The following HMGA2 variants were observed in gnomAD, a reference collection of about 807,000 sequenced individuals.
The protein encoded by HMGA2 is high mobility group protein HMGI-C.
Under a neutral mutation model 19.1 loss-of-function variants are expected in HMGA2, and 8 were observed. That is an observed-to-expected ratio of 0.42 (90% confidence interval 0.25 to 0.76). HMGA2 has a LOEUF of 0.76. HMGA2 is among the 30% of genes least tolerant of loss of function. HMGA2 has a pLI of 0.28. For missense variants in HMGA2, 109 were observed against 136.3 expected (o/e 0.80, Z 1.00); for synonymous variants, 60 against 48.8 (o/e 1.23, Z -0.96).
chr12:65,897,913 G>A lies in HMGA2; in HGVS notation c.250-53470G>A, dbSNP rs190547192. Among the ~76,000 whole-genome samples, 240 of 150,884 alleles carry A rather than the reference G, an allele frequency of 1.6e-3. 2 individuals carry two copies. Among genetic ancestry groups the A allele is most frequent in the African/African-American group, 5.5e-3 (226 of 40,932 alleles). Reference sequence around the variant, plus strand: ...CGGGATGTGGAGGTTGCGGTGAGCTGAGATCGCGCCATTGCACTCCAGCCT... The same window carrying A: ...CGGGATGTGGAGGTTGCGGTGAGCTAAGATCGCGCCATTGCACTCCAGCCT... On this transcript the variant is annotated intron_variant, in intron 3 of 4. Transcript: ENST00000403681.
At chr12:65,913,999 T>G (rs1001495541) in intron 3 of HMGA2, among the ~76,000 whole-genome samples, 6 of 152,156 alleles carry the variant, frequency 3.9e-5, no homozygotes, top group Non-Finnish European at 7.4e-5. Context: ...TAAAAAATGT[T>G]TTGGAGAGGA....
chr12:65,828,842 T>A (rs900636612), intron 2 of HMGA2: 7 of 152,316 alleles, frequency 4.6e-5, no homozygotes, highest in African/African-American at 1.7e-4. Context: ...TCTTAATAAG[T>A]TTAAACTTGC....
At chr12:65,828,380 G>T in intron 2 of HMGA2, 1 of 232,544 alleles carries the variant, frequency 4.3e-6, no homozygotes, top group South Asian at 6.6e-5. Context: ...TGCGGGGGGG[G>T]CGGGATGAAA....
In HMGA2 at chr12:65,861,364, T is replaced by TCAAAA. The variant is rs149375057; in HGVS notation, c.249+22821_249+22825dup. Among the ~76,000 whole-genome samples, 1,206 of 152,072 alleles carry TCAAAA rather than the reference T, an allele frequency of 7.9e-3. 7 individuals are homozygous for TCAAAA. Among genetic ancestry groups the TCAAAA allele is most frequent in the Non-Finnish European group, 0.011 (770 of 67,958 alleles). On this transcript the variant is annotated intron_variant, in intron 3 of 4. Coordinates refer to ENST00000403681, the MANE Select transcript of HMGA2 (RefSeq NM_003483.6). The stretch of plus-strand genomic sequence containing the variant: ...CCTGGCGACAGAGCAAGACTCCGTC[T>TCAAAA]CAAAACAAAACAAAACAAAACAAAA...
In HMGA2 at chr12:65,928,802, C is replaced by CT. The variant is rs1875606582; in HGVS notation, c.250-22580dup. Reference sequence around the variant, plus strand: ...AATTTTTCAACTCCATTATAATCTTCTGGGACCACCACCATATATGCAGTT... The same window carrying CT: ...AATTTTTCAACTCCATTATAATCTTCTTGGGACCACCACCATATATGCAGTT... On this transcript the variant is annotated intron_variant, in intron 3 of 4. Coordinates refer to ENST00000403681, the MANE Select transcript of HMGA2 (RefSeq NM_003483.6). 2.0e-5 allele frequency among the ~76,000 whole-genome samples: 3 copies of CT among 152,174 alleles called. No homozygotes were observed. The South Asian group carries it at 6.2e-4, about 32-fold the overall frequency.
At chr12:65,841,368 C>T (rs562537010) in intron 3 of HMGA2, among the ~76,000 whole-genome samples, 5 of 152,106 alleles carry the variant, frequency 3.3e-5, no homozygotes, top group African/African-American at 1.2e-4. Flanking sequence ...GTTACAAGTC[C>T]CTGATTTGGT....
intron 3 of HMGA2, chr12:65,867,649 G>C (rs1872497939): frequency 3.2e-6 from 1 of 312,532 alleles, no homozygotes; most frequent in Non-Finnish European, 6.8e-6. Context: ...GAGTCTTGTG[G>C]GGACACAGAG....
At chr12:65,929,750 T>C (rs1875639794) in intron 3 of HMGA2, among the ~76,000 whole-genome samples, 1 of 152,194 alleles carries the variant, frequency 6.6e-6, no homozygotes, top group Admixed American at 6.5e-5. Flanking sequence ...TACTCAATTT[T>C]AAACTAAATT....
chr12:65,899,867 C>T (rs2121171187), intron 3 of HMGA2, among the ~76,000 whole-genome samples: 1 of 152,296 alleles, frequency 6.6e-6, no homozygotes, highest in South Asian at 2.1e-4. Context: ...TACCTGCTGG[C>T]ACTTTTGCTA....
chr12:65,933,006 C>T (rs1294711890), intron 3 of HMGA2, among the ~76,000 whole-genome samples: 1 of 152,098 alleles, frequency 6.6e-6, no homozygotes, highest in Admixed American at 6.5e-5. Context: ...TTTTTCTTTC[C>T]CACACCTCTG....
Position 65,966,058 on chromosome 12 carries a change from T to C in HMGA2, c.*2766T>C, listed in dbSNP as rs1876900559. ...AAGTATCAAGACGTTTAACTGCAGT[T>C]GACTTTCTCCCTGTTCCTTTGAGTG... On this transcript the variant is annotated 3_prime_UTR_variant, in exon 5 of 5. Coordinates refer to ENST00000403681, the MANE Select transcript of HMGA2 (RefSeq NM_003483.6). The C allele has an allele frequency of 4.5e-6, 1 of 220,104 alleles. No homozygotes were observed. The highest frequency in any genetic ancestry group is 2.2e-5 in the African/African-American group (1 of 44,638). 13.6% of individuals were successfully genotyped at this position (220,104 alleles called of 1,614,324 possible).
chr12:65,847,385 C>T (rs1287562323), intron 3 of HMGA2, among the ~76,000 whole-genome samples: 1 of 152,110 alleles, frequency 6.6e-6, no homozygotes, highest in East Asian at 1.9e-4. Flanking sequence ...TTTGTGCATA[C>T]TCAATATAAT....
At chr12:65,878,799 G>A (rs1873196487) in intron 3 of HMGA2, among the ~76,000 whole-genome samples, 1 of 152,194 alleles carries the variant, frequency 6.6e-6, no homozygotes, top group Non-Finnish European at 1.5e-5. Context: ...TGGCTCAGCT[G>A]ATAAACTCCC....
chr12:65,891,670 GC>G (rs752876512), intron 3 of HMGA2, among the ~76,000 whole-genome samples: 1 of 152,232 alleles, frequency 6.6e-6, no homozygotes, highest in Non-Finnish European at 1.5e-5. Flanking sequence ...AGTTTGAGCT[GC>G]AGAATCAGAA....
intron 3 of HMGA2, among the ~76,000 whole-genome samples, chr12:65,898,973 G>A (rs1446760071): frequency 6.6e-6 from 1 of 150,554 alleles, no homozygotes; most frequent in Non-Finnish European, 1.5e-5. Context: ...GAACCCGGGA[G>A]GCTGAGCTTG....
chr12:65,943,695 G>C (rs577370329), intron 3 of HMGA2, among the ~76,000 whole-genome samples: 1 of 152,074 alleles, frequency 6.6e-6, no homozygotes, highest in East Asian at 1.9e-4. Context: ...TAGATTTATC[G>C]CTTCTTAGGA....
At chr12:65,884,979 T>G (rs929839907) in intron 3 of HMGA2, among the ~76,000 whole-genome samples, 2 of 152,338 alleles carry the variant, frequency 1.3e-5, no homozygotes, top group Middle Eastern at 3.4e-3. Context: ...TGATTCTATT[T>G]TAATTGATAT....
At chr12:65,941,036 C>G (rs1297425072) in intron 3 of HMGA2, among the ~76,000 whole-genome samples, 1 of 152,102 alleles carries the variant, frequency 6.6e-6, no homozygotes, top group Non-Finnish European at 1.5e-5. Flanking sequence ...TTCAGAGAGA[C>G]ATTTCTGGAA....
At chr12:65,839,178 T>G (rs962037394) in intron 3 of HMGA2, among the ~76,000 whole-genome samples, 2 of 152,048 alleles carry the variant, frequency 1.3e-5, no homozygotes, top group African/African-American at 4.8e-5. Flanking sequence ...TCCATACAAG[T>G]GCACCTGATC....
Sources: allele counts gnomAD v4.1 joint callset (sites outside exome capture counted in the v4.1 genomes callset), GRCh38; gene constraint gnomAD v4.1.1; transcripts MANE v1.5; gene names NCBI Gene and HGNC (gene_info 2026-07-23, HGNC 2026-07-21).